Variants in TRAK1 observed in about 807,000 individuals in gnomAD.
The protein encoded by TRAK1 is trafficking kinesin-binding protein 1.
TRAK1 carries 33 observed loss-of-function variants against 92.1 expected under a neutral mutation model. The observed-to-expected ratio is 0.36, with a 90% CI of 0.27 to 0.48. The LOEUF is 0.48. Among genes scored for constraint, TRAK1 ranks in the 20% least tolerant of loss-of-function variants. TRAK1 has a pLI of 0.99. For missense variants in TRAK1, 1,123 were observed against 1,257.9 expected, an observed-to-expected ratio of 0.89 and a Z score of 1.62; for synonymous variants, 521 against 517.3, an observed-to-expected ratio of 1.01 and a Z score of -0.10.
chr3:42,080,848 C>CT (rs1704397836), intron 1 of TRAK1, among the ~76,000 whole-genome samples: 1 of 152,142 alleles, frequency 6.6e-6, no homozygotes, highest in African/African-American at 2.4e-5. Context: ...TGAATTGTAT[C>CT]TGGGTCATTT....
intron 1 of TRAK1, among the ~76,000 whole-genome samples, chr3:42,055,815 C>A (rs899001366): frequency 1.3e-5 from 2 of 152,114 alleles, no homozygotes; most frequent in Non-Finnish European, 2.9e-5. Context: ...AACCCTGTAT[C>A]CATTAGCAGT....
chr3:42,100,041 A>G (rs1559764320), intron 1 of TRAK1, among the ~76,000 whole-genome samples: 1 of 152,114 alleles, frequency 6.6e-6, no homozygotes, highest in Non-Finnish European at 1.5e-5. Flanking sequence ...GAATGGATTG[A>G]AGGAAAGGGG....
At chr3:42,219,782 A>T (rs72871315) in intron 15 of TRAK1, among the ~76,000 whole-genome samples, 186 bp downstream of exon 15, 23,843 of 83,732 alleles carry the variant, frequency 0.28, 3,929 homozygotes, top group African/African-American at 0.54. Flanking sequence ...TGTTGTTGTT[A>T]TGTGTTTTTT....
intron 2 of TRAK1, chr3:42,160,569 GT>G (rs71616033): frequency 1.4e-5 from 16 of 1,130,560 alleles, no homozygotes; most frequent in South Asian, 1.8e-5. Context: ...TTTTGTTTTT[GT>G]TTTTTTTTAA....
intron 1 of TRAK1, among the ~76,000 whole-genome samples, chr3:42,110,093 A>ACT (rs1708149480): frequency 2.7e-5 from 1 of 37,688 alleles, no homozygotes. Flanking sequence ...TAGAACTTAA[A>ACT]GTATATATAT....
intron 8 of TRAK1, among the ~76,000 whole-genome samples, chr3:42,193,418 A>G (rs1706111861): frequency 6.6e-6 from 1 of 152,216 alleles, no homozygotes; most frequent in South Asian, 2.1e-4. Flanking sequence ...CTAAAATTAT[A>G]TTGAATTCAT....
At chr3:42,185,912 C>T (rs972711631) in intron 4 of TRAK1, among the ~76,000 whole-genome samples, 52 of 149,772 alleles carry the variant, frequency 3.5e-4, no homozygotes, top group African/African-American at 1.3e-3. Context: ...GACCTCAGGT[C>T]ATCCGCCCGC....
chr3:42,071,955 A>C (rs934142013), intron 1 of TRAK1, among the ~76,000 whole-genome samples: 1 of 152,216 alleles, frequency 6.6e-6, no homozygotes, highest in Admixed American at 6.5e-5. Flanking sequence ...GCCAGCCTCC[A>C]GAATTCCTCC....
intron 2 of TRAK1, chr3:42,151,353 T>G (rs144831767): frequency 2.2e-6 from 1 of 456,544 alleles, no homozygotes; most frequent in East Asian, 6.9e-5. Flanking sequence ...CAGTTGAGTC[T>G]TTTGGCCCTG....
intron 2 of TRAK1, among the ~76,000 whole-genome samples, chr3:42,153,656 G>A (rs1054731424): frequency 6.6e-6 from 1 of 152,122 alleles, no homozygotes; most frequent in African/African-American, 2.4e-5. Context: ...TATGGTATAC[G>A]CAAGGGCAGT....
intron 1 of TRAK1, among the ~76,000 whole-genome samples, chr3:42,036,876 A>C (rs113737622): frequency 0.074 from 11,210 of 152,202 alleles, 471 homozygotes; most frequent in Middle Eastern, 0.21. Context: ...CAGCTTCCTG[A>C]GTAGCTAGGA....
chr3:42,218,503 C>A, intron 14 of TRAK1: 1 of 984,840 alleles, frequency 1.0e-6, no homozygotes, highest in Non-Finnish European at 1.2e-6. Context: ...CTATTTCGGG[C>A]AGCATCTTTT....
At chr3:42,149,630 G>A in intron 2 of TRAK1, 1 of 1,536,094 alleles carries the variant, frequency 6.5e-7, no homozygotes, top group Non-Finnish European at 8.7e-7. Context: ...ACAGAGCCGG[G>A]ATGTATAGGG....
intron 2 of TRAK1, among the ~76,000 whole-genome samples, chr3:42,130,130 G>A (rs1697002448): frequency 6.6e-6 from 1 of 152,008 alleles, no homozygotes; most frequent in Non-Finnish European, 1.5e-5. Context: ...TGGCTTGTAG[G>A]TCACACTTCC....
chr3:42,170,857 T>A lies in TRAK1; in HGVS notation c.287-5957T>A, dbSNP rs577446597. Among the ~76,000 whole-genome samples the A allele has an allele frequency of 1.4e-4, 21 of 150,082 alleles. No homozygotes were observed. In the South Asian group the frequency reaches 3.8e-3, roughly 27 times the overall value. Reference sequence around the variant, plus strand: ...TTTTTTTTTTGAGACAGAGTCTTGCTCTGTCGCCCAGGCTGGAGTGCAGTG... The same window carrying A: ...TTTTTTTTTTGAGACAGAGTCTTGCACTGTCGCCCAGGCTGGAGTGCAGTG... On this transcript the variant is annotated intron_variant, in intron 2 of 15. Coordinates refer to ENST00000327628, the MANE Select transcript of TRAK1 (RefSeq NM_001042646.3).
intron 4 of TRAK1, among the ~76,000 whole-genome samples, chr3:42,185,983 T>TTG (rs1477024328): frequency 4.2e-4 from 31 of 73,590 alleles, no homozygotes; most frequent in African/African-American, 1.3e-3. Flanking sequence ...CTTTTTTTTT[T>TTG]TTTTTTTTTT....
At chr3:42,090,559 G>A (rs1050506453), upstream of TRAK1, among the ~76,000 whole-genome samples, 9 of 152,144 alleles carry the variant, frequency 5.9e-5, no homozygotes, top group Admixed American at 1.3e-4. Flanking sequence ...GGTGACGGAC[G>A]CCTGTAATCT....
intron 3 of TRAK1, among the ~76,000 whole-genome samples, chr3:42,178,716 ATAAATC>A (rs1208445499): frequency 7.2e-5 from 11 of 152,142 alleles, no homozygotes; most frequent in Middle Eastern, 6.3e-3. Context: ...TCTTATGCCT[ATAAATC>A]CCAGCACTTT....
chr3:42,072,492 A>G (rs770924986), intron 1 of TRAK1, among the ~76,000 whole-genome samples: 6 of 151,510 alleles, frequency 4.0e-5, no homozygotes, highest in Non-Finnish European at 7.4e-5. Context: ...GGCATTTTAT[A>G]AATCTGCTGC....
Sources: gnomAD v4.1 joint callset for allele counts (sites outside exome capture counted in the v4.1 genomes callset) on GRCh38, gnomAD v4.1.1 for gene constraint, MANE v1.5 for transcripts, NCBI Gene and HGNC (gene_info 2026-07-23, HGNC 2026-07-21) for gene names.